Variants in ANKFN1 observed in about 807,000 individuals in gnomAD.
ANKFN1 encodes the protein ankyrin repeat and fibronectin type III domain containing 1, also known as ankyrin repeat and fibronectin type-III domain-containing protein 1.
Under a neutral mutation model 108.7 loss-of-function variants are expected in ANKFN1, and 74 were observed. That is an observed-to-expected ratio of 0.68 (90% CI 0.56 to 0.83). ANKFN1 has a LOEUF of 0.83. Ranked by LOEUF, ANKFN1 falls within the 40% of genes least tolerant of loss-of-function variation. The probability of loss-of-function intolerance (pLI) is 0.00; values close to 1 mark genes in which losing one functional copy is unlikely to be tolerated. For missense variants in ANKFN1, 1,505 were observed against 1,382.3 expected (o/e 1.09, Z -1.41); for synonymous variants, 547 against 516.2 (o/e 1.06, Z -0.81).
intron 1 of ANKFN1, among the ~76,000 whole-genome samples, chr17:56,188,936 G>C (rs934138096): frequency 2.0e-5 from 3 of 151,872 alleles, no homozygotes; most frequent in Non-Finnish European, 2.9e-5. Flanking sequence ...AGGGACTGGA[G>C]ACAGAGTTAA....
chr17:56,133,630 A>T (rs1007646791), intron 4 of ANKFN1, among the ~76,000 whole-genome samples: 3 of 132,116 alleles, frequency 2.3e-5, no homozygotes, highest in Non-Finnish European at 5.3e-5. Flanking sequence ...TCTGGGCTAC[A>T]TTCCATCACT....
chr17:56,085,934 T>C (rs1399272110), intron 4 of ANKFN1, among the ~76,000 whole-genome samples: 1 of 151,050 alleles, frequency 6.6e-6, no homozygotes, highest in Non-Finnish European at 1.5e-5. Context: ...CACAAAAAAA[T>C]TAGTTGTTAG....
intron 3 of ANKFN1, among the ~76,000 whole-genome samples, chr17:56,318,251 G>T (rs1213304411): frequency 6.6e-6 from 1 of 152,012 alleles, no homozygotes; most frequent in Admixed American, 6.6e-5. Flanking sequence ...GGGGGGGTGT[G>T]CTGGCCTTTG....
At chr17:56,090,444 A>G (rs1026376304) in intron 4 of ANKFN1, among the ~76,000 whole-genome samples, 12 of 151,242 alleles carry the variant, frequency 7.9e-5, no homozygotes, top group African/African-American at 2.7e-4. Flanking sequence ...TAAAGTAGCA[A>G]TGGCCCTTTC....
chr17:56,512,223 G>T lies in ANKFN1; in HGVS notation c.*954G>T, dbSNP rs771769100. Among the ~76,000 whole-genome samples the T allele has an allele frequency of 2.6e-5, 4 of 152,202 alleles. No individual in the cohort carries two copies. The highest frequency in any genetic ancestry group is 5.9e-5 in the Non-Finnish European group (4 of 68,032). On this transcript the variant is annotated 3_prime_UTR_variant, in exon 21 of 21. Coordinates refer to ENST00000682825, the MANE Select transcript of ANKFN1 (RefSeq NM_001370326.1). ...GATCAGCTCCAGATTCTTTGGTGATGAAATTGTCATTGAACCAGAAAGTGC... is the reference window on the plus strand; with the variant it reads ...GATCAGCTCCAGATTCTTTGGTGATTAAATTGTCATTGAACCAGAAAGTGC...
intron 4 of ANKFN1, among the ~76,000 whole-genome samples, chr17:56,047,975 TCTC>T (rs1567776990): frequency 1.3e-5 from 2 of 152,226 alleles, no homozygotes; most frequent in Non-Finnish European, 2.9e-5. Flanking sequence ...TAAAGGATCT[TCTC>T]CTAATCTCAC....
At position 56,330,964 on chromosome 17, in the gene ANKFN1, T is replaced by C. The variant is rs185841347; in HGVS notation, c.188+4609T>C. ...AGTGCACAGGAACTAGAAAGGTGGC[T>C]TCCACTCTGTGTCATCATTGTAATA... On this transcript the variant is annotated intron_variant, in intron 4 of 20. Coordinates refer to ENST00000682825, the MANE Select transcript of ANKFN1 (RefSeq NM_001370326.1). 1.7e-3 allele frequency among the ~76,000 whole-genome samples: 258 copies of C among 152,276 alleles called. 1 individual carries two copies. The highest frequency in any genetic ancestry group is 3.1e-3 in the South Asian group (15 of 4,820).
At chr17:56,312,225 C>A (rs2045051286) in intron 3 of ANKFN1, among the ~76,000 whole-genome samples, 1 of 152,166 alleles carries the variant, frequency 6.6e-6, no homozygotes, top group Non-Finnish European at 1.5e-5. Flanking sequence ...CACCTTGGCT[C>A]TGATTTGCTT....
intron 3 of ANKFN1, among the ~76,000 whole-genome samples, chr17:56,278,562 T>TTTTTTGA (rs977408625): frequency 1.3e-5 from 2 of 152,226 alleles, no homozygotes; most frequent in Admixed American, 1.3e-4. Flanking sequence ...GGACCCCACA[T>TTTTTTGA]ACAATTCCAG....
At chr17:56,124,372 T>G (rs1906801080) in intron 4 of ANKFN1, among the ~76,000 whole-genome samples, 1 of 152,214 alleles carries the variant, frequency 6.6e-6, no homozygotes, top group Non-Finnish European at 1.5e-5. Context: ...TCCATGCTGC[T>G]TCTGTTATAC....
At chr17:56,438,792 C>T (rs1481620000) in intron 8 of ANKFN1, among the ~76,000 whole-genome samples, 2 of 152,076 alleles carry the variant, frequency 1.3e-5, no homozygotes, top group Admixed American at 1.3e-4. Flanking sequence ...CATAGAATCA[C>T]AGTTTTAAGA....
chr17:56,419,764 A>G lies in ANKFN1; in HGVS notation c.911-20563A>G, dbSNP rs372537004. Reference sequence around the variant, plus strand: ...CTTGAGCCCAGGAGTTATAGGTTACAATGAGCTATGTGCTCCAGCCTGAGC... The same window carrying G: ...CTTGAGCCCAGGAGTTATAGGTTACGATGAGCTATGTGCTCCAGCCTGAGC... On this transcript the variant is annotated intron_variant, in intron 8 of 20. Transcript: ENST00000682825. Among the ~76,000 whole-genome samples the G allele has an allele frequency of 1.9e-4, 29 of 151,242 alleles. 9 individuals carry two copies. Among genetic ancestry groups the G allele is most frequent in the South Asian group, 8.4e-4 (4 of 4,764 alleles).
At chr17:56,168,136 G>C (rs928578831) in intron 1 of ANKFN1, among the ~76,000 whole-genome samples, 2 of 151,968 alleles carry the variant, frequency 1.3e-5, no homozygotes, top group Non-Finnish European at 2.9e-5. Flanking sequence ...GCATGGTGGT[G>C]CATGCCTGTA....
intron 3 of ANKFN1, among the ~76,000 whole-genome samples, chr17:56,274,236 G>A (rs1468522881): frequency 6.6e-6 from 1 of 152,158 alleles, no homozygotes; most frequent in East Asian, 1.9e-4. Context: ...AACTTTGGGA[G>A]GCCGAGGCAG....
At chr17:56,477,782 C>T (rs2050556309) in intron 16 of ANKFN1, 128 bp downstream of exon 16, 2 of 946,566 alleles carry the variant, frequency 2.1e-6, no homozygotes, top group South Asian at 3.5e-5. Flanking sequence ...CCTCAGATGC[C>T]ACACTGAAGT....
intron 1 of ANKFN1, among the ~76,000 whole-genome samples, chr17:56,170,776 A>T (rs200246003): frequency 0.11 from 7,111 of 66,798 alleles, 248 homozygotes; most frequent in East Asian, 0.24. Context: ...AAAATTTTTT[A>T]TATATATATA....
chr17:56,389,704 G>A (rs2047374316), intron 8 of ANKFN1, among the ~76,000 whole-genome samples: 1 of 152,242 alleles, frequency 6.6e-6, no homozygotes, highest in Non-Finnish European at 1.5e-5. Flanking sequence ...GATTATTCCT[G>A]ACACTGATTT....
At chr17:56,064,402 C>G (rs1905027884) in intron 4 of ANKFN1, among the ~76,000 whole-genome samples, 1 of 152,234 alleles carries the variant, frequency 6.6e-6, no homozygotes, top group Admixed American at 6.5e-5. Context: ...CCAGGGACAT[C>G]TGGGTTCTGT....
At chr17:56,166,936 T>G (rs1047504981) in intron 1 of ANKFN1, among the ~76,000 whole-genome samples, 5 of 152,260 alleles carry the variant, frequency 3.3e-5, no homozygotes, top group African/African-American at 1.2e-4. Context: ...TCCCATTAGT[T>G]GTCATGAGAT....
Sources: gnomAD v4.1 joint callset for allele counts (sites outside exome capture counted in the v4.1 genomes callset) on GRCh38, gnomAD v4.1.1 for gene constraint, MANE v1.5 for transcripts, NCBI Gene and HGNC (gene_info 2026-07-23, HGNC 2026-07-21) for gene names.